MRAS: variants seen among roughly 807,000 people sequenced by gnomAD.
MRAS encodes the protein muscle RAS oncogene homolog.
A neutral mutation model predicts 20.9 loss-of-function variants in MRAS; 4 were observed. That is an observed-to-expected ratio of 0.19 (90% CI 0.09 to 0.44). MRAS has a LOEUF of 0.44. Ranked by LOEUF, MRAS falls within the 20% of genes least tolerant of loss-of-function variation. The pLI is 0.99. For missense variants in MRAS, 154 were observed against 277.5 expected, an observed-to-expected ratio of 0.56 and a Z score of 3.16; for synonymous variants, 98 against 102.9, an observed-to-expected ratio of 0.95 and a Z score of 0.29.
intron 2 of MRAS, among the ~76,000 whole-genome samples, chr3:138,395,535 T>C (rs1046884599): frequency 1.3e-5 from 2 of 152,028 alleles, no homozygotes; most frequent in African/African-American, 4.8e-5. Context: ...CTGCCTGGAG[T>C]GCTCTTCCGC....
chr3:138,353,104 G>A (rs952177490), intron 1 of MRAS, among the ~76,000 whole-genome samples: 1 of 152,148 alleles, frequency 6.6e-6, no homozygotes, highest in Non-Finnish European at 1.5e-5. Flanking sequence ...TAGTGGTGAG[G>A]AAGATGATTT....
intron 2 of MRAS, among the ~76,000 whole-genome samples, chr3:138,377,553 ACT>A (rs2054810567): frequency 1.3e-5 from 2 of 152,102 alleles, no homozygotes; most frequent in South Asian, 2.1e-4. Context: ...GCAGTGAGTA[ACT>A]CTGAACCTTT....
At chr3:138,365,094 G>A (rs1265056131) in intron 1 of MRAS, among the ~76,000 whole-genome samples, 3 of 152,176 alleles carry the variant, frequency 2.0e-5, no homozygotes, top group Admixed American at 6.5e-5. Context: ...CTAGTTTGGT[G>A]ACCTTCAAAA....
At chr3:138,355,305 G>T (rs1008734140) in intron 1 of MRAS, among the ~76,000 whole-genome samples, 1 of 152,292 alleles carries the variant, frequency 6.6e-6, no homozygotes, top group East Asian at 1.9e-4. Flanking sequence ...ATGACGACAG[G>T]ACGCAGCTTC....
chr3:138,349,137 C>G (rs1164694285), intron 1 of MRAS: 3 of 151,702 alleles, frequency 2.0e-5, no homozygotes, highest in Non-Finnish European at 4.4e-5. Flanking sequence ...CTTTACCCCC[C>G]CGCCTTAAGA....
At position 138,402,283 on chromosome 3, in the gene MRAS, C is replaced by G; in HGVS notation, c.*14C>G. The G allele has an allele frequency of 6.2e-7, 1 of 1,611,490 alleles. No homozygotes were observed. Among genetic ancestry groups the G allele is most frequent in the Non-Finnish European group, 8.5e-7 (1 of 1,177,758 alleles). On this transcript the variant is annotated 3_prime_UTR_variant, in exon 6 of 6. Coordinates refer to ENST00000423968, the MANE Select transcript of MRAS (RefSeq NM_001085049.3). ...GTGATCTTGTGACAGGCCTGAGGCCCTGGGCACAGTGACGGTGGCCTGGCC... is the reference window on the plus strand; with the variant it reads ...GTGATCTTGTGACAGGCCTGAGGCCGTGGGCACAGTGACGGTGGCCTGGCC...
At chr3:138,363,833 C>CG (rs1345929325) in intron 1 of MRAS, among the ~76,000 whole-genome samples, 12 of 124,538 alleles carry the variant, frequency 9.6e-5, no homozygotes, top group African/African-American at 3.3e-4. Flanking sequence ...CCCCCCCCCC[C>CG]CAAACCACAG....
At chr3:138,362,051 T>C (rs1576346266) in intron 1 of MRAS, among the ~76,000 whole-genome samples, 1 of 152,260 alleles carries the variant, frequency 6.6e-6, no homozygotes, top group South Asian at 2.1e-4. Context: ...CTCCCGGTTG[T>C]TGGTTGCTGG....
chr3:138,376,075 G>A (rs927158398), intron 2 of MRAS, among the ~76,000 whole-genome samples: 1 of 152,206 alleles, frequency 6.6e-6, no homozygotes, highest in African/African-American at 2.4e-5. Context: ...ATTATGGCAT[G>A]TAGATTGTAT....
At chr3:138,351,477 A>G (rs2054226263) in intron 1 of MRAS, among the ~76,000 whole-genome samples, 1 of 152,154 alleles carries the variant, frequency 6.6e-6, no homozygotes, top group Non-Finnish European at 1.5e-5. Flanking sequence ...CCTGGCAGGT[A>G]CCCATTGTCT....
intron 5 of MRAS, among the ~76,000 whole-genome samples, chr3:138,401,413 C>T (rs1035737118): frequency 2.0e-5 from 3 of 152,192 alleles, no homozygotes; most frequent in Non-Finnish European, 2.9e-5. Flanking sequence ...CTCATCTTCT[C>T]ATTATTCCCC....
At chr3:138,377,162 A>G (rs2054799967) in intron 2 of MRAS, among the ~76,000 whole-genome samples, 1 of 152,234 alleles carries the variant, frequency 6.6e-6, no homozygotes, top group Non-Finnish European at 1.5e-5. Context: ...TCTCCATGGC[A>G]TTACTTTAGA....
intron 2 of MRAS, among the ~76,000 whole-genome samples, chr3:138,384,479 C>G (rs1456490027): frequency 1.3e-5 from 2 of 152,172 alleles, no homozygotes; most frequent in Non-Finnish European, 2.9e-5. Context: ...AGGGAAGAGT[C>G]TTTGGCCTGA....
chr3:138,356,165 G>C (rs896189968), intron 1 of MRAS, among the ~76,000 whole-genome samples: 1 of 152,186 alleles, frequency 6.6e-6, no homozygotes, highest in Non-Finnish European at 1.5e-5. Flanking sequence ...CCTTTTTAAA[G>C]ACAAGTTTGG....
chr3:138,354,837 G>A (rs115963674), intron 1 of MRAS, among the ~76,000 whole-genome samples: 1,886 of 152,264 alleles, frequency 0.012, 50 homozygotes, highest in African/African-American at 0.043. Context: ...TTGGAGTGTG[G>A]TGGAGCAATC....
intron 2 of MRAS, among the ~76,000 whole-genome samples, chr3:138,376,422 G>A (rs567859018): frequency 1.3e-5 from 2 of 152,264 alleles, no homozygotes; most frequent in Admixed American, 1.3e-4. Context: ...AAATATAAAT[G>A]TCTGAGAGCA....
At chr3:138,373,735 T>C in intron 2 of MRAS, among the ~76,000 whole-genome samples, 1 of 152,202 alleles carries the variant, frequency 6.6e-6, no homozygotes, top group East Asian at 1.9e-4. Flanking sequence ...CCTAAGGTAT[T>C]TCTATGTGAG....
Position 138,372,958 on chromosome 3 carries a change from C to T in MRAS, c.75C>T (p.Gly25=). 1 of 1,567,642 alleles carries T rather than the reference C, an allele frequency of 6.4e-7. No individual in the cohort carries two copies. Among genetic ancestry groups the T allele is most frequent in the East Asian group, 2.5e-5 (1 of 39,714 alleles). The change falls in exon 2 of 6, where the codon GGC becomes GGT. Residue 25 remains glycine (G), a synonymous_variant. Transcript: ENST00000423968. ...TGGTGGTGGGGGATGGGGGTGTGGGCAAAAGTGCCCTCACCATCCAGTTTT... is the reference window on the plus strand; with the variant it reads ...TGGTGGTGGGGGATGGGGGTGTGGGTAAAAGTGCCCTCACCATCCAGTTTT... The part of the protein sequence containing the change: ...KLVVVGDGGV[G]KSALTIQFFQ...
upstream of MRAS, chr3:138,347,819 C>G (rs1208411135): frequency 6.6e-6 from 1 of 152,308 alleles, no homozygotes; most frequent in African/African-American, 2.4e-5. Context: ...TCTTGAACTC[C>G]TGACCTCAGG....
Sources: gnomAD v4.1 joint callset for allele counts (sites outside exome capture counted in the v4.1 genomes callset) on GRCh38, gnomAD v4.1.1 for gene constraint, MANE v1.5 for transcripts, NCBI Gene and HGNC (gene_info 2026-07-23, HGNC 2026-07-21) for gene names.